AKAP6: variants seen among roughly 807,000 people sequenced by gnomAD.
AKAP6 encodes the protein A-kinase anchoring protein 6.
Under a neutral mutation model 188.5 loss-of-function variants are expected in AKAP6, and 58 were observed. The observed-to-expected ratio is 0.31, with a 90% CI of 0.25 to 0.38. The LOEUF is 0.38. Ranked by LOEUF, AKAP6 falls within the 10% of genes least tolerant of loss-of-function variation. The pLI is 1.00. For synonymous variants in AKAP6, 989 were observed against 998.6 expected (o/e 0.99, Z 0.18); for missense variants, 2,710 against 2,740.0 (o/e 0.99, Z 0.24).
rs982602850 is a variant in AKAP6, at chr14:32,585,216, A to G, written c.2469+7974A>G. On this transcript the variant is annotated intron_variant, in intron 5 of 13. Coordinates refer to ENST00000280979, the MANE Select transcript of AKAP6 (RefSeq NM_004274.5). ...TCATCAAATGTAATCATTCACAAGG[A>G]GACAAACCAGCGCTTCTTTTATCTG... 3.3e-5 allele frequency among the ~76,000 whole-genome samples: 5 copies of G among 152,212 alleles called. No homozygotes were observed. The East Asian group carries it at 9.6e-4, about 29-fold the overall frequency.
intron 7 of AKAP6, among the ~76,000 whole-genome samples, chr14:32,617,853 C>T (rs1440746585): frequency 2.0e-5 from 3 of 152,202 alleles, no homozygotes; most frequent in Admixed American, 6.5e-5. Flanking sequence ...CCTCAAACTC[C>T]TGGCCTCAAG....
chr14:32,394,938 A>G (rs1888831046), intron 1 of AKAP6, among the ~76,000 whole-genome samples: 1 of 152,196 alleles, frequency 6.6e-6, no homozygotes, highest in African/African-American at 2.4e-5. Flanking sequence ...TGTCTGCTAA[A>G]TAGCATCACT....
chr14:32,476,203 A>G lies in AKAP6; in HGVS notation c.324+42386A>G, dbSNP rs143957841. 3.6e-4 allele frequency among the ~76,000 whole-genome samples: 55 copies of G among 152,298 alleles called. No homozygotes were observed. In the East Asian group the frequency reaches 9.8e-3, roughly 27 times the overall value. On this transcript the variant is annotated intron_variant, in intron 2 of 13. Coordinates refer to ENST00000280979, the MANE Select transcript of AKAP6 (RefSeq NM_004274.5). The stretch of plus-strand genomic sequence containing the variant: ...TTTAATGCCTACCATATGTCAAACT[A>G]TTCTTGGCATAGCAGTAAACACAAG...
At chr14:32,816,210 T>C (rs2034373580) in intron 12 of AKAP6, among the ~76,000 whole-genome samples, 1 of 152,128 alleles carries the variant, frequency 6.6e-6, no homozygotes, top group Non-Finnish European at 1.5e-5. Context: ...TTTGTTTGTT[T>C]AGAGACAGGG....
At chr14:32,602,662 G>C (rs914689626) in intron 7 of AKAP6, among the ~76,000 whole-genome samples, 2 of 152,188 alleles carry the variant, frequency 1.3e-5, no homozygotes, top group Admixed American at 1.3e-4. Flanking sequence ...GCTATCCTGT[G>C]TTGGCTACAT....
At chr14:32,811,651 G>A (rs1382106487) in intron 12 of AKAP6, among the ~76,000 whole-genome samples, 4 of 152,178 alleles carry the variant, frequency 2.6e-5, no homozygotes, top group Non-Finnish European at 5.9e-5. Flanking sequence ...GTCAACGTTG[G>A]ATTAAATAGT....
rs368780958 is a variant in AKAP6 at position 32,540,508 on chromosome 14, A to G, written c.576+4703A>G. On this transcript the variant is annotated intron_variant, in intron 3 of 13. Coordinates refer to ENST00000280979, the MANE Select transcript of AKAP6 (RefSeq NM_004274.5). ...GCTACTGCGCCTGGCCTGCTTCATA[A>G]CATGTTAAATGGAGGTATATTTAAG... Among the ~76,000 whole-genome samples, 46 of 152,142 alleles carry G rather than the reference A, an allele frequency of 3.0e-4. No individual in the cohort carries two copies. In the East Asian group the frequency reaches 7.2e-3, roughly 24 times the overall value.
chr14:32,444,335 T>C (rs1428888446), intron 2 of AKAP6, among the ~76,000 whole-genome samples: 1 of 152,136 alleles, frequency 6.6e-6, no homozygotes, highest in African/African-American at 2.4e-5. Flanking sequence ...TTGGTTTTCT[T>C]AGTTTAATTT....
intron 1 of AKAP6, among the ~76,000 whole-genome samples, chr14:32,403,734 T>G (rs1594581112): frequency 6.6e-6 from 1 of 152,348 alleles, no homozygotes; most frequent in Middle Eastern, 3.4e-3. Context: ...TGCACACATA[T>G]TAACAGTAAA....
rs768181854 is a variant in AKAP6 at position 32,535,799 on chromosome 14, A to C, written c.570A>C (p.Thr190=). Residue 190 remains threonine, a synonymous_variant, in exon 3 of 14, where the codon ACA becomes ACC. Coordinates refer to ENST00000280979, the MANE Select transcript of AKAP6 (RefSeq NM_004274.5). ...TDILQAFSEE[T]KEGRLDSLTE... ...TTCTGCAAGCTTTCTCTGAAGAGAC[A>C]AAAGAGGTGAGTGTTTTCCTTGAAG... is the stretch of plus-strand genomic sequence containing the variant. 12 of 1,609,282 alleles carry C rather than the reference A, an allele frequency of 7.5e-6. No individual in the cohort carries two copies. The South Asian group carries it at 1.2e-4, about 16-fold the overall frequency.
chr14:32,783,856 A>T (rs8023098), intron 12 of AKAP6, among the ~76,000 whole-genome samples: 26,677 of 152,070 alleles, frequency 0.18, 3,116 homozygotes, highest in African/African-American at 0.34. Context: ...TGAATCAACA[A>T]CCTAAACTGC....
intron 1 of AKAP6, among the ~76,000 whole-genome samples, chr14:32,390,537 T>C (rs936505636): frequency 5.9e-5 from 9 of 152,128 alleles, no homozygotes; most frequent in African/African-American, 2.2e-4. Flanking sequence ...TGTCCCACAG[T>C]GTGTTCCCTT....
At chr14:32,522,445 AAAGGGCT>A (rs1881892039) in intron 2 of AKAP6, among the ~76,000 whole-genome samples, 1 of 152,188 alleles carries the variant, frequency 6.6e-6, no homozygotes, top group East Asian at 1.9e-4. Flanking sequence ...CCCATCTGAC[AAAGGGCT>A]AATATCCAGA....
At chr14:32,664,397 G>A (rs1888832377) in intron 7 of AKAP6, among the ~76,000 whole-genome samples, 1 of 152,064 alleles carries the variant, frequency 6.6e-6, no homozygotes, top group South Asian at 2.1e-4. Context: ...AGATCTACCA[G>A]AAAATACTGT....
intron 5 of AKAP6, among the ~76,000 whole-genome samples, chr14:32,587,683 C>G (rs1039360745): frequency 6.6e-6 from 1 of 152,292 alleles, no homozygotes; most frequent in Middle Eastern, 3.4e-3. Flanking sequence ...TCACTCTTTT[C>G]TAGTCAGAAA....
chr14:32,777,702 C>T (rs545559258), intron 12 of AKAP6, among the ~76,000 whole-genome samples: 19 of 152,298 alleles, frequency 1.2e-4, no homozygotes, highest in African/African-American at 4.3e-4. Context: ...GAGGTATCTT[C>T]AAGCAGCCTA....
At chr14:32,812,017 C>T (rs1033144859) in intron 12 of AKAP6, among the ~76,000 whole-genome samples, 1 of 152,122 alleles carries the variant, frequency 6.6e-6, no homozygotes, top group Non-Finnish European at 1.5e-5. Flanking sequence ...AACGTAAGAT[C>T]ATTTTCATAA....
intron 8 of AKAP6, among the ~76,000 whole-genome samples, chr14:32,694,519 A>G (rs1890317698): frequency 1.3e-5 from 2 of 152,162 alleles, no homozygotes. Flanking sequence ...AGTTTCAGAA[A>G]CACTGCTCTA....
At chr14:32,788,221 G>T (rs1394413205) in intron 12 of AKAP6, among the ~76,000 whole-genome samples, 1 of 152,016 alleles carries the variant, frequency 6.6e-6, no homozygotes, top group Non-Finnish European at 1.5e-5. Context: ...ATACAATATG[G>T]TGATTAAGAG....
Sources: allele counts gnomAD v4.1 joint callset (sites outside exome capture counted in the v4.1 genomes callset), GRCh38; gene constraint gnomAD v4.1.1; transcripts MANE v1.5; gene names NCBI Gene and HGNC (gene_info 2026-07-23, HGNC 2026-07-21).